Variants in CWF19L2 observed in about 807,000 individuals in gnomAD.
The protein encoded by CWF19L2 is CWF19-like protein 2.
In CWF19L2, 98 loss-of-function variants were observed where a neutral mutation model predicts 111.7. The observed-to-expected ratio is 0.88, with a 90% CI of 0.75 to 1.04. The LOEUF (loss-of-function observed/expected upper bound fraction) is 1.04. CWF19L2 is among the 50% of genes least tolerant of loss of function. The pLI, the probability that CWF19L2 is intolerant of heterozygous loss-of-function variation, is 0.00. For synonymous variants in CWF19L2, 351 were observed against 342.9 expected (o/e 1.02, Z -0.26); for missense variants, 1,101 against 1,051.4 (o/e 1.05, Z -0.65).
In CWF19L2 at chr11:107,428,973, C is replaced by A. The variant is rs369773047; in HGVS notation, c.1259G>T (p.Ser420Ile). 6 of 1,613,674 alleles carry A rather than the reference C, an allele frequency of 3.7e-6. No homozygotes were observed. Among genetic ancestry groups the A allele is most frequent in the Non-Finnish European group, 5.1e-6 (6 of 1,179,782 alleles). The change falls in exon 8 of 18, where the codon AGT (serine) becomes ATT (isoleucine). Residue 420 changes from serine to isoleucine, a missense_variant. Ser to Ile is a moderately radical substitution (Grantham distance 142). Transcript: ENST00000282251. Reference sequence around the variant, plus strand: ...CTTGTCTCCTCTCCCATCAGAGCGACTCCATGATGTTAATCTTTCTTCACT... The same window carrying A: ...CTTGTCTCCTCTCCCATCAGAGCGAATCCATGATGTTAATCTTTCTTCACT... ...KNSEERLTSW[S>I]RSDGRGDKKH...
intron 10 of CWF19L2, among the ~76,000 whole-genome samples, chr11:107,397,858 C>T (rs1860946702): frequency 1.3e-5 from 2 of 152,100 alleles, no homozygotes; most frequent in Non-Finnish European, 2.9e-5. Flanking sequence ...TGTGAAAACC[C>T]CCCGTACCAG....
intron 12 of CWF19L2, among the ~76,000 whole-genome samples, chr11:107,358,826 G>C (rs1860278852): frequency 6.6e-6 from 1 of 152,148 alleles, no homozygotes; most frequent in African/African-American, 2.4e-5. Flanking sequence ...AGTGGCCTTA[G>C]GGACCTCTGA....
intron 16 of CWF19L2, among the ~76,000 whole-genome samples, chr11:107,334,400 C>T (rs1287592784): frequency 2.0e-5 from 3 of 152,138 alleles, no homozygotes; most frequent in African/African-American, 2.4e-5. Context: ...CAAAAGAACC[C>T]ACAATCTAAC....
chr11:107,380,039 ACC>A (rs1860658819), intron 12 of CWF19L2, among the ~76,000 whole-genome samples: 1 of 108,020 alleles, frequency 9.3e-6, no homozygotes, highest in Non-Finnish European at 1.7e-5. Flanking sequence ...AGAGCGAGAC[ACC>A]GTCTCAAAAA....
Position 107,433,194 on chromosome 11 carries a change from T to A in CWF19L2, c.780+440A>T, listed in dbSNP as rs189480799. 3.3e-3 allele frequency among the ~76,000 whole-genome samples: 506 copies of A among 152,222 alleles called. 4 individuals carry two copies. Among genetic ancestry groups the A allele is most frequent in the African/African-American group, 0.012 (479 of 41,550 alleles). ...GCAATAGAAAGATTGTCCAGAACGATGGGGAAACTGGTTCTAAAATATATA... is the reference window on the plus strand; with the variant it reads ...GCAATAGAAAGATTGTCCAGAACGAAGGGGAAACTGGTTCTAAAATATATA... On this transcript the variant is annotated intron_variant, in intron 7 of 17. Transcript: ENST00000282251.
At chr11:107,409,699 C>T (rs1861129754) in intron 10 of CWF19L2, among the ~76,000 whole-genome samples, 1 of 151,930 alleles carries the variant, frequency 6.6e-6, no homozygotes, top group African/African-American at 2.4e-5. Context: ...TCAGTGAGAC[C>T]TCATCACTCA....
chr11:107,338,271 C>T (rs994707060), intron 14 of CWF19L2, among the ~76,000 whole-genome samples: 5 of 152,158 alleles, frequency 3.3e-5, no homozygotes, highest in Non-Finnish European at 5.9e-5. Flanking sequence ...AGTCATTCCA[C>T]ACCCTATCCA....
chr11:107,431,634 T>C (rs1318776900), intron 7 of CWF19L2, among the ~76,000 whole-genome samples: 1 of 152,144 alleles, frequency 6.6e-6, no homozygotes, highest in Non-Finnish European at 1.5e-5. Flanking sequence ...CTAATTTTTT[T>C]GGTGACTAAC....
intron 8 of CWF19L2, among the ~76,000 whole-genome samples, chr11:107,424,840 G>A (rs1861351850): frequency 6.6e-6 from 1 of 151,872 alleles, no homozygotes; most frequent in Non-Finnish European, 1.5e-5. Context: ...CAATGTAACA[G>A]TAATAGGTGT....
intron 12 of CWF19L2, among the ~76,000 whole-genome samples, chr11:107,379,151 ATAAG>A (rs1220083238): frequency 6.6e-6 from 1 of 152,258 alleles, no homozygotes; most frequent in Non-Finnish European, 1.5e-5. Flanking sequence ...AGAGACAATT[ATAAG>A]TATTATGGTA....
chr11:107,373,012 G>C (rs559641924), intron 12 of CWF19L2, among the ~76,000 whole-genome samples: 4,672 of 28,890 alleles, frequency 0.16, 911 homozygotes, highest in Middle Eastern at 0.33. Context: ...AGGGGTGACG[G>C]ACGCACCTGG....
In CWF19L2 at chr11:107,416,225, T is replaced by G; in HGVS notation, c.1601A>C (p.Lys534Thr). ...ATTACTTACCTCTACCCCAGATTTT[T>G]TTGGTATCTGTGTTATAGTTTCTTT... is the stretch of plus-strand genomic sequence containing the variant. ...KFKETITQIP[K>T]KSGVENEDQQ... The change falls in exon 10 of 18, where the codon AAA becomes ACA. Residue 534 changes from lysine to threonine, a missense_variant. Physicochemically the swap from Lys to Thr is moderately conservative, Grantham distance 78. Transcript: ENST00000282251. 7.0e-7 allele frequency: 1 copy of G among 1,428,998 alleles called. No individual in the cohort carries two copies. The highest frequency in any genetic ancestry group is 9.3e-7 in the Non-Finnish European group (1 of 1,072,178). 88.5% of individuals were successfully genotyped at this position (1,428,998 alleles called of 1,614,324 possible).
intron 9 of CWF19L2, among the ~76,000 whole-genome samples, chr11:107,417,178 T>G (rs1191286995): frequency 6.6e-6 from 1 of 152,240 alleles, no homozygotes; most frequent in African/African-American, 2.4e-5. Context: ...ATATTTGGGT[T>G]TGAGATGAGT....
intron 1 of CWF19L2, 81 bp downstream of exon 1, chr11:107,457,631 G>A: frequency 1.0e-6 from 1 of 997,282 alleles, no homozygotes; most frequent in African/African-American, 1.6e-5. Flanking sequence ...CGAGGTAAGG[G>A]AAGGGGTGAG....
chr11:107,346,868 G>A (rs984763623), intron 14 of CWF19L2, among the ~76,000 whole-genome samples: 2 of 147,614 alleles, frequency 1.4e-5, no homozygotes, highest in Non-Finnish European at 2.9e-5. Context: ...ACAGGAGGTT[G>A]AAAGAGTCTT....
chr11:107,413,736 C>T (rs2135395838), intron 10 of CWF19L2, among the ~76,000 whole-genome samples: 1 of 152,194 alleles, frequency 6.6e-6, no homozygotes, highest in East Asian at 1.9e-4. Flanking sequence ...ATATTAGGTA[C>T]CACAACTTAG....
intron 7 of CWF19L2, 132 bp from the exon 8 acceptor site, chr11:107,429,583 C>T: frequency 1.6e-6 from 1 of 619,338 alleles, no homozygotes; most frequent in Non-Finnish European, 2.8e-6. Context: ...AAAGAAGACC[C>T]ATACAATCAT....
chr11:107,382,519 C>T (rs1860701931), intron 12 of CWF19L2, among the ~76,000 whole-genome samples: 1 of 152,158 alleles, frequency 6.6e-6, no homozygotes, highest in East Asian at 1.9e-4. Context: ...AATTCTTTGG[C>T]TCTATGATTT....
intron 14 of CWF19L2, among the ~76,000 whole-genome samples, chr11:107,347,702 T>G (rs1429450620): frequency 6.6e-6 from 1 of 152,212 alleles, no homozygotes; most frequent in Non-Finnish European, 1.5e-5. Context: ...AATGAATTAC[T>G]TGATCTCTTC....
Sources: gnomAD v4.1 joint callset for allele counts (sites outside exome capture counted in the v4.1 genomes callset) on GRCh38, gnomAD v4.1.1 for gene constraint, MANE v1.5 for transcripts, NCBI Gene and HGNC (gene_info 2026-07-23, HGNC 2026-07-21) for gene names.